FHIP1A: variants seen among roughly 807,000 people sequenced by gnomAD.
FHIP1A encodes the protein FHF complex subunit HOOK-interacting protein 1A.
In FHIP1A, 61 loss-of-function variants were observed where a neutral mutation model predicts 88.6. The observed-to-expected ratio is 0.69, with a 90% CI of 0.56 to 0.85. The LOEUF is 0.85. FHIP1A is among the 40% of genes least tolerant of loss of function. The probability of loss-of-function intolerance (pLI) is 0.00; values close to 1 mark genes in which losing one functional copy is unlikely to be tolerated. For missense variants in FHIP1A, 1,154 were observed against 1,273.5 expected (o/e 0.91, Z 1.43); for synonymous variants, 478 against 496.0 (o/e 0.96, Z 0.48).
At chr4:151,452,936 G>GTATATATATATA (rs111734450) in intron 1 of FHIP1A, among the ~76,000 whole-genome samples, 1 of 146,120 alleles carries the variant, frequency 6.8e-6, no homozygotes, top group African/African-American at 2.6e-5. Flanking sequence ...ACATTGAAAC[G>GTATATATATATA]TATATATATA....
At chr4:151,467,989 A>G (rs1224984488) in intron 2 of FHIP1A, among the ~76,000 whole-genome samples, 7 of 147,314 alleles carry the variant, frequency 4.8e-5, no homozygotes, top group Admixed American at 4.0e-4. Flanking sequence ...CGGAACTTAA[A>G]AAAAAAAAAA....
Position 151,656,413 on chromosome 4 carries a change from A to G in FHIP1A, c.2730+3A>G, listed in dbSNP as rs574011651. On this transcript the variant is annotated splice_donor_region_variant and intron_variant, in intron 12 of 13. Transcript: ENST00000435205. This position sits in a 1 kb window ranked among gnomAD's most constrained non-coding sequence, Gnocchi z 4.2. ...CAAGCGTCCGCTCTCTCTATCAGGT[A>G]TGTTAGCTGAACCCACATCCACACC... 1.3e-6 allele frequency: 2 copies of G among 1,551,446 alleles called. No homozygotes were observed. Among genetic ancestry groups the G allele is most frequent in the East Asian group, 2.4e-5 (1 of 40,924 alleles).
At position 151,409,210 on chromosome 4, in the gene FHIP1A, C is replaced by G. The variant is rs1580529802; in HGVS notation, c.-611C>G. ...CGCGCCTCAGCCCGCGGCTGACGCA[C>G]CTTCGAAAAGTTGCGCTCCGACCTT... On this transcript the variant is annotated 5_prime_UTR_variant, in exon 1 of 14. Coordinates refer to ENST00000435205, the MANE Select transcript of FHIP1A (RefSeq NM_001109977.3). 1 of 151,678 alleles carries G rather than the reference C, an allele frequency of 6.6e-6. No homozygotes were observed. The highest frequency in any genetic ancestry group is 1.5e-5 in the Non-Finnish European group (1 of 67,934). 9.4% of individuals were successfully genotyped at this position (151,678 alleles called of 1,614,324 possible).
chr4:151,642,554 A>G (rs1319952084), intron 9 of FHIP1A, among the ~76,000 whole-genome samples: 1 of 152,176 alleles, frequency 6.6e-6, no homozygotes, highest in African/African-American at 2.4e-5. Context: ...TCTTTGAATC[A>G]CAAATGATCT....
At chr4:151,500,707 G>A (rs1449293900) in intron 3 of FHIP1A, among the ~76,000 whole-genome samples, 1 of 152,162 alleles carries the variant, frequency 6.6e-6, no homozygotes, top group Admixed American at 6.5e-5. Flanking sequence ...TGGTCTTAGA[G>A]TTAAGGCCCT....
At chr4:151,532,883 A>T (rs1731929081) in intron 3 of FHIP1A, 1 of 153,422 alleles carries the variant, frequency 6.5e-6, no homozygotes, top group Non-Finnish European at 1.4e-5. Context: ...AGATCTTGTG[A>T]GACTTATTCA....
At chr4:151,535,906 TA>T (rs1033890303) in intron 3 of FHIP1A, among the ~76,000 whole-genome samples, 1 of 152,240 alleles carries the variant, frequency 6.6e-6, no homozygotes, top group African/African-American at 2.4e-5. Flanking sequence ...CATTGCTGAA[TA>T]AATGCTTTTG....
chr4:151,641,617 C>G (rs539719448), intron 9 of FHIP1A, among the ~76,000 whole-genome samples: 2 of 152,150 alleles, frequency 1.3e-5, no homozygotes, highest in Non-Finnish European at 2.9e-5. Flanking sequence ...TCCAGTGTGG[C>G]CCAGGGAAGC....
At chr4:151,597,797 G>A (rs1280994034) in intron 7 of FHIP1A, among the ~76,000 whole-genome samples, 1 of 152,202 alleles carries the variant, frequency 6.6e-6, no homozygotes, top group African/African-American at 2.4e-5. Context: ...GCTCTGTCCA[G>A]TTCGAACTTC....
At chr4:151,477,979 G>A (rs4263379) in intron 2 of FHIP1A, among the ~76,000 whole-genome samples, 78,954 of 151,926 alleles carry the variant, frequency 0.52, 20,819 homozygotes, top group African/African-American at 0.55. Flanking sequence ...TCCTAGACAT[G>A]CAAACATTCA....
At chr4:151,452,891 T>G (rs942667088) in intron 1 of FHIP1A, among the ~76,000 whole-genome samples, 1 of 151,846 alleles carries the variant, frequency 6.6e-6, no homozygotes, top group Non-Finnish European at 1.5e-5. Flanking sequence ...TTTGGCATAT[T>G]TATTTCTAGT....
intron 1 of FHIP1A, among the ~76,000 whole-genome samples, chr4:151,443,808 G>T (rs531427263): frequency 1.3e-5 from 2 of 150,930 alleles, no homozygotes; most frequent in Admixed American, 6.6e-5. Context: ...ATCAGAATTC[G>T]CATCAGAAGC....
intron 3 of FHIP1A, among the ~76,000 whole-genome samples, chr4:151,548,753 C>G (rs1225497368): frequency 6.6e-6 from 1 of 152,174 alleles, no homozygotes; most frequent in East Asian, 1.9e-4. Context: ...ACCATCCCAT[C>G]TCTACTAAAA....
intron 2 of FHIP1A, among the ~76,000 whole-genome samples, chr4:151,459,298 G>T (rs942680017): frequency 1.3e-5 from 2 of 152,150 alleles, no homozygotes; most frequent in African/African-American, 4.8e-5. Flanking sequence ...GATTGATGGA[G>T]TTTACTTTCT....
At chr4:151,527,558 A>C (rs1052406403) in intron 3 of FHIP1A, among the ~76,000 whole-genome samples, 8 of 151,878 alleles carry the variant, frequency 5.3e-5, no homozygotes, top group East Asian at 1.9e-4. Context: ...AGAGCGAGAG[A>C]GAGAGGGAGA....
intron 3 of FHIP1A, among the ~76,000 whole-genome samples, chr4:151,552,292 G>C (rs1356095915): frequency 6.6e-6 from 1 of 152,156 alleles, no homozygotes; most frequent in African/African-American, 2.4e-5. Context: ...TCTAGAACTA[G>C]AAATACCATT....
chr4:151,561,062 A>C (rs978673487), intron 3 of FHIP1A, among the ~76,000 whole-genome samples: 14 of 152,156 alleles, frequency 9.2e-5, no homozygotes, highest in Non-Finnish European at 1.9e-4. Context: ...TTCTTGTGAA[A>C]TTAAGGTGTA....
At chr4:151,648,712 T>C (rs12509425) in intron 10 of FHIP1A, among the ~76,000 whole-genome samples, 4,047 of 151,370 alleles carry the variant, frequency 0.027, 120 homozygotes, top group East Asian at 0.16. Flanking sequence ...TCAGATAGCA[T>C]TGATAAAGCA....
At chr4:151,546,091 A>G (rs4696095) in intron 3 of FHIP1A, among the ~76,000 whole-genome samples, 42,833 of 152,040 alleles carry the variant, frequency 0.28, 6,409 homozygotes, top group Non-Finnish European at 0.34. Context: ...TGGGCATGGA[A>G]CATCCAATCT....
Sources: allele counts gnomAD v4.1 joint callset (sites outside exome capture counted in the v4.1 genomes callset), GRCh38; gene constraint gnomAD v4.1.1; non-coding constraint Gnocchi (gnomAD v3.1); transcripts MANE v1.5; gene names NCBI Gene and HGNC (gene_info 2026-07-23, HGNC 2026-07-21).